WDFY1: variants seen among roughly 807,000 people sequenced by gnomAD.
WDFY1 encodes WD repeat and FYVE domain-containing protein 1.
Under a neutral mutation model 56.4 loss-of-function variants are expected in WDFY1, and 32 were observed. The ratio of observed to expected loss-of-function variants is 0.57; its 90% CI spans 0.43 to 0.76. The LOEUF (loss-of-function observed/expected upper bound fraction) is 0.76, where lower values mean the gene tolerates loss of function less well. WDFY1 is among the 30% of genes least tolerant of loss of function. The pLI, the probability that WDFY1 is intolerant of heterozygous loss-of-function variation, is 0.00. For synonymous variants in WDFY1, 192 were observed against 197.3 expected (o/e 0.97, Z 0.23); for missense variants, 480 against 545.7 (o/e 0.88, Z 1.20).
intron 6 of WDFY1, 80 bp from the exon 7 acceptor site, chr2:223,895,710 G>A (rs1316262022): frequency 6.5e-7 from 1 of 1,547,976 alleles, no homozygotes; most frequent in Non-Finnish European, 8.7e-7. Flanking sequence ...GTATACATTT[G>A]ACAGCTGAAG....
chr2:223,883,456 C>T (rs1490616724), intron 9 of WDFY1, among the ~76,000 whole-genome samples: 1 of 152,116 alleles, frequency 6.6e-6, no homozygotes, highest in Non-Finnish European at 1.5e-5. Context: ...AATACTTCAC[C>T]TATTAATTAT....
Position 223,895,774 on chromosome 2 carries a change from AACG to A in WDFY1, c.599-147_599-145del, listed in dbSNP as rs573460447. On this transcript the variant is annotated intron_variant, in intron 6 of 11. Coordinates refer to ENST00000233055, the MANE Select transcript of WDFY1 (RefSeq NM_020830.5). Reference sequence around the variant, plus strand: ...GCAAAAAGGTATCTTCATGGTGTACAACGGGTCATTCAACCATGCTATCATGAG... The same window carrying A: ...GCAAAAAGGTATCTTCATGGTGTACAGGTCATTCAACCATGCTATCATGAG... The A allele has an allele frequency of 1.6e-4, 174 of 1,121,972 alleles. No homozygotes were observed. In the African/African-American group the frequency reaches 2.5e-3, roughly 16 times the overall value. 69.5% of individuals were successfully genotyped at this position (1,121,972 alleles called of 1,614,324 possible).
chr2:223,903,539 C>CA (rs1559167720), intron 4 of WDFY1, among the ~76,000 whole-genome samples: 13 of 110,492 alleles, frequency 1.2e-4, no homozygotes, highest in Admixed American at 3.6e-4. Context: ...CAAAACAAAA[C>CA]AAAAAAAAAC....
chr2:223,920,728 C>A (rs1161156839), intron 1 of WDFY1, among the ~76,000 whole-genome samples: 1 of 152,190 alleles, frequency 6.6e-6, no homozygotes, highest in Admixed American at 6.5e-5. Context: ...GTAAAACCAT[C>A]TCGTGAAAAA....
At chr2:223,922,473 A>C (rs150263047) in intron 1 of WDFY1, among the ~76,000 whole-genome samples, 1 of 152,332 alleles carries the variant, frequency 6.6e-6, no homozygotes, top group African/African-American at 2.4e-5. Context: ...CTCCAAACAC[A>C]CAGTGACAAA....
At chr2:223,939,491 C>G (rs917402625) in intron 1 of WDFY1, among the ~76,000 whole-genome samples, 1 of 152,110 alleles carries the variant, frequency 6.6e-6, no homozygotes, top group African/African-American at 2.4e-5. Flanking sequence ...ATGCCAGAAA[C>G]TAGGTAATTA....
intron 9 of WDFY1, among the ~76,000 whole-genome samples, chr2:223,882,789 T>C (rs575600488): frequency 6.6e-6 from 1 of 152,032 alleles, no homozygotes; most frequent in Non-Finnish European, 1.5e-5. Context: ...AAAGGTGCAA[T>C]GGCATACAGC....
At chr2:223,936,244 T>C (rs1694167554) in intron 1 of WDFY1, among the ~76,000 whole-genome samples, 1 of 151,892 alleles carries the variant, frequency 6.6e-6, no homozygotes, top group African/African-American at 2.4e-5. Context: ...GTATTTTTAG[T>C]AGAGACAGAG....
chr2:223,885,195 G>A (rs1055879857), intron 8 of WDFY1, among the ~76,000 whole-genome samples: 1 of 151,302 alleles, frequency 6.6e-6, no homozygotes, highest in Non-Finnish European at 1.5e-5. Context: ...TGTGTGTGGG[G>A]GGGGGTCTTT....
At chr2:223,920,354 T>C (rs1693868270) in intron 1 of WDFY1, among the ~76,000 whole-genome samples, 1 of 152,158 alleles carries the variant, frequency 6.6e-6, no homozygotes, top group Non-Finnish European at 1.5e-5. Flanking sequence ...GCACAGTATA[T>C]AGCAAAGGGA....
chr2:223,884,799 C>T, intron 8 of WDFY1, 50 bp from the exon 9 acceptor site: 4 of 1,518,448 alleles, frequency 2.6e-6, no homozygotes, highest in Non-Finnish European at 3.7e-6. Context: ...ATATTTACTC[C>T]CATGTTTCAA....
intron 3 of WDFY1, among the ~76,000 whole-genome samples, chr2:223,909,695 A>G (rs1693660351): frequency 6.6e-6 from 1 of 151,832 alleles, no homozygotes; most frequent in Non-Finnish European, 1.5e-5. Context: ...CTGTCATCTG[A>G]CTTCTCTTCC....
intron 3 of WDFY1, among the ~76,000 whole-genome samples, chr2:223,910,628 A>G (rs1436733292): frequency 6.6e-6 from 1 of 152,116 alleles, no homozygotes; most frequent in Non-Finnish European, 1.5e-5. Context: ...GATATAAATG[A>G]CCAACAAGTA....
intron 2 of WDFY1, among the ~76,000 whole-genome samples, chr2:223,914,282 C>T (rs1693752524): frequency 6.6e-6 from 1 of 152,116 alleles, no homozygotes; most frequent in African/African-American, 2.4e-5. Context: ...CAGGCATGAG[C>T]CACCATGCCC....
intron 1 of WDFY1, among the ~76,000 whole-genome samples, chr2:223,929,234 C>T (rs772010178): frequency 1.5e-4 from 22 of 143,966 alleles, no homozygotes; most frequent in Non-Finnish European, 2.8e-4. Context: ...TATGCCCAGG[C>T]TGGAGTGTGA....
chr2:223,926,424 C>T (rs1052580559), intron 1 of WDFY1, among the ~76,000 whole-genome samples: 7 of 151,966 alleles, frequency 4.6e-5, no homozygotes, highest in African/African-American at 1.7e-4. Flanking sequence ...AGCCAGTATG[C>T]CCAGCAAAAG....
intron 1 of WDFY1, among the ~76,000 whole-genome samples, chr2:223,936,933 T>C (rs923558120): frequency 2.0e-5 from 3 of 152,268 alleles, no homozygotes; most frequent in African/African-American, 7.2e-5. Context: ...AAGAGGACTC[T>C]TGGAAGCCTT....
At chr2:223,933,077 T>C (rs977697759) in intron 1 of WDFY1, among the ~76,000 whole-genome samples, 9 of 151,988 alleles carry the variant, frequency 5.9e-5, no homozygotes, top group African/African-American at 1.9e-4. Context: ...GGAGAGAAAA[T>C]GTTAGATTGT....
rs1693502286 is a variant in WDFY1 at position 223,901,210 on chromosome 2, A to G, written c.458T>C (p.Phe153Ser). 6.2e-7 allele frequency: 1 copy of G among 1,613,992 alleles called. No homozygotes were observed. The highest frequency in any genetic ancestry group is 1.3e-5 in the African/African-American group (1 of 74,906). The change falls in exon 5 of 12, where the codon TTC becomes TCC. Residue 153 changes from phenylalanine to serine, a missense_variant. Transcript: ENST00000233055. Reference sequence around the variant, plus strand: ...CAGACACGAAGCCCAGGACGTGAAGAAGTGCCTCCCGAGCATGTTCCCGCT... The same window carrying G: ...CAGACACGAAGCCCAGGACGTGAAGGAGTGCCTCCCGAGCATGTTCCCGCT... ...TRSGNMLGRH[F>S]FTSWASCLQY...
Sources: gnomAD v4.1 joint callset for allele counts (sites outside exome capture counted in the v4.1 genomes callset) on GRCh38, gnomAD v4.1.1 for gene constraint, MANE v1.5 for transcripts, NCBI Gene and HGNC (gene_info 2026-07-23, HGNC 2026-07-21) for gene names.